Variants in CASK observed in about 807,000 individuals in gnomAD.
The protein encoded by CASK is peripheral plasma membrane protein CASK.
CASK carries 4 observed loss-of-function variants against 82.9 expected under a neutral mutation model. The observed-to-expected ratio is 0.05, with a 90% CI of 0.02 to 0.11. The LOEUF is 0.11. Among genes scored for constraint, CASK ranks in the 10% least tolerant of loss-of-function variants. The pLI, the probability that CASK is intolerant of heterozygous loss-of-function variation, is 1.00. For synonymous variants in CASK, 259 were observed against 253.5 expected, an observed-to-expected ratio of 1.02 and a Z score of -0.20; for missense variants, 358 against 720.9, an observed-to-expected ratio of 0.50 and a Z score of 5.76.
intron 2 of CASK, among the ~76,000 whole-genome samples, chrX:41,830,908 G>GAA (rs1485344652): frequency 2.7e-5 from 3 of 109,719 alleles, no homozygotes; most frequent in Non-Finnish European, 5.7e-5. Context: ...TCCTGACCAT[G>GAA]AAAGTGTTAC....
chrX:41,543,370 T>C (rs181567804), intron 21 of CASK, among the ~76,000 whole-genome samples: 6 of 111,775 alleles, frequency 5.4e-5, no homozygotes, highest in Non-Finnish European at 9.4e-5. Flanking sequence ...GTCTTTAAAC[T>C]TTTGGAGCCT....
At chrX:41,912,017 G>A (rs1039045900) in intron 1 of CASK, among the ~76,000 whole-genome samples, 6 of 109,543 alleles carry the variant, frequency 5.5e-5, no homozygotes, top group Non-Finnish European at 1.1e-4. Flanking sequence ...TTCTCCTAAT[G>A]TTATCCCTCC....
At chrX:41,604,601 G>C (rs2065934563) in intron 12 of CASK, among the ~76,000 whole-genome samples, 1 of 110,816 alleles carries the variant, frequency 9.0e-6, no homozygotes, top group Non-Finnish European at 1.9e-5. Flanking sequence ...ATCAATTTCT[G>C]TTGTTTTAAG....
chrX:41,592,694 C>T (rs1356456541), intron 12 of CASK, among the ~76,000 whole-genome samples: 3 of 111,365 alleles, frequency 2.7e-5, no homozygotes, highest in Non-Finnish European at 5.6e-5. Flanking sequence ...ATGTCCAGTG[C>T]TAACTTTTGA....
intron 5 of CASK, among the ~76,000 whole-genome samples, chrX:41,682,715 G>A (rs371456145): frequency 1.9e-5 from 2 of 106,968 alleles, no homozygotes; most frequent in Admixed American, 1.0e-4. Flanking sequence ...GGGCTCAAGC[G>A]ATCCTCCTGC....
At chrX:41,750,054 A>C (rs1009348158) in intron 3 of CASK, among the ~76,000 whole-genome samples, 3 of 111,133 alleles carry the variant, frequency 2.7e-5, no homozygotes, top group Non-Finnish European at 5.7e-5. Context: ...AACTTAGTAA[A>C]TATACAGGCA....
At chrX:41,564,592 C>T (rs2065282105) in intron 16 of CASK, among the ~76,000 whole-genome samples, 1 of 111,487 alleles carries the variant, frequency 9.0e-6, no homozygotes, top group African/African-American at 3.3e-5. Flanking sequence ...TGAAAGACTG[C>T]CGGTCCTAGC....
chrX:41,834,376 A>G (rs1470504696), intron 2 of CASK, among the ~76,000 whole-genome samples: 1 of 112,194 alleles, frequency 8.9e-6, no homozygotes, highest in Non-Finnish European at 1.9e-5. Flanking sequence ...TTTCTTAAGC[A>G]TATCAACTTT....
intron 18 of CASK, among the ~76,000 whole-genome samples, chrX:41,557,798 T>C (rs956369382): frequency 9.0e-6 from 1 of 111,726 alleles, no homozygotes; most frequent in Non-Finnish European, 1.9e-5. Flanking sequence ...TCTACTATTC[T>C]ATACACTCAA....
chrX:41,893,673 CA>C (rs1319608012), intron 1 of CASK, among the ~76,000 whole-genome samples: 2 of 112,368 alleles, frequency 1.8e-5, no homozygotes, highest in Admixed American at 1.9e-4. Flanking sequence ...ATTCCTTCAG[CA>C]AAAGATGGAA....
intron 4 of CASK, among the ~76,000 whole-genome samples, chrX:41,742,811 T>G (rs546530223): frequency 8.9e-6 from 1 of 111,753 alleles, no homozygotes; most frequent in South Asian, 3.8e-4. Flanking sequence ...CACATAATAA[T>G]ACTTTCTGAG....
intron 19 of CASK, among the ~76,000 whole-genome samples, chrX:41,556,729 G>A (rs980382723): frequency 2.7e-5 from 3 of 112,097 alleles, no homozygotes; most frequent in South Asian, 3.7e-4. Flanking sequence ...ACAAATTTCC[G>A]TTTACATCCT....
chrX:41,673,341 A>G (rs1317492816), intron 5 of CASK, among the ~76,000 whole-genome samples: 1 of 111,701 alleles, frequency 9.0e-6, no homozygotes, highest in East Asian at 2.8e-4. Context: ...GCTGGTCTTG[A>G]ACTCCTGGTC....
intron 1 of CASK, among the ~76,000 whole-genome samples, chrX:41,895,530 C>G (rs1466834050): frequency 1.8e-5 from 2 of 111,399 alleles, no homozygotes; most frequent in Non-Finnish European, 3.8e-5. Flanking sequence ...GAGGGAGGCG[C>G]TTTTGTTTAA....
rs565306329 is a variant in CASK, at chrX:41,684,864, A to G, written c.430-13334T>C. Among the ~76,000 whole-genome samples the G allele has an allele frequency of 6.8e-4, 76 of 112,077 alleles. No individual in the cohort carries two copies. The South Asian group carries it at 0.027, about 40-fold the overall frequency. On this transcript the variant is annotated intron_variant, in intron 5 of 26. Coordinates refer to ENST00000378163, the MANE Select transcript of CASK (RefSeq NM_001367721.1). ...GATGAAATTTTAACAAGGTCTGTAG[A>G]ATACATAATGATATTAGGTCAACAT...
intron 1 of CASK, chrX:41,919,322 T>C (rs147034736): frequency 4.0e-4 from 45 of 111,905 alleles, no homozygotes; most frequent in African/African-American, 1.4e-3. Context: ...TCATTCCAAT[T>C]TTAGTGTATG....
intron 1 of CASK, among the ~76,000 whole-genome samples, chrX:41,905,538 T>A (rs1014501779): frequency 8.8e-6 from 1 of 113,013 alleles, no homozygotes; most frequent in African/African-American, 3.2e-5. Context: ...TTTGGAGAAA[T>A]GTCTGTTCAG....
At chrX:41,769,995 A>T (rs1196478170) in intron 3 of CASK, among the ~76,000 whole-genome samples, 2 of 111,115 alleles carry the variant, frequency 1.8e-5, no homozygotes, top group Non-Finnish European at 3.8e-5. Flanking sequence ...AGAAAGCATC[A>T]TCTTAGGCCA....
intron 16 of CASK, among the ~76,000 whole-genome samples, chrX:41,564,688 T>A (rs1233165372): frequency 8.9e-6 from 1 of 111,954 alleles, no homozygotes; most frequent in Non-Finnish European, 1.9e-5. Context: ...GACAGAAGGT[T>A]AACAAGGACA....
Sources: allele counts gnomAD v4.1 joint callset (sites outside exome capture counted in the v4.1 genomes callset), GRCh38; gene constraint gnomAD v4.1.1; transcripts MANE v1.5; gene names NCBI Gene and HGNC (gene_info 2026-07-23, HGNC 2026-07-21).